Variants in ZNF81 observed in about 807,000 individuals in gnomAD.
ZNF81 encodes the protein zinc finger protein 81 (HFZ20).
A neutral mutation model predicts 32.3 loss-of-function variants in ZNF81; 5 were observed. The ratio of observed to expected loss-of-function variants is 0.15; its 90% CI spans 0.08 to 0.33. The LOEUF (loss-of-function observed/expected upper bound fraction) is 0.33, where lower values mean the gene tolerates loss of function less well. ZNF81 is among the 10% of genes least tolerant of loss of function. ZNF81 has a pLI of 1.00. For synonymous variants in ZNF81, 163 were observed against 166.8 expected (o/e 0.98, Z 0.17); for missense variants, 379 against 479.8 (o/e 0.79, Z 1.96).
intron 2 of ZNF81, among the ~76,000 whole-genome samples, chrX:47,884,535 C>A (rs782007916): frequency 9.0e-6 from 1 of 111,010 alleles, no homozygotes; most frequent in East Asian, 2.8e-4. Context: ...CAGTTTCTTG[C>A]AGGCTGTTGT....
chrX:47,863,883 G>A (rs1384927211), intron 2 of ZNF81, among the ~76,000 whole-genome samples: 1 of 111,656 alleles, frequency 9.0e-6, no homozygotes, highest in African/African-American at 3.3e-5. Flanking sequence ...TCCTTGAGTG[G>A]GTAAAATGAT....
chrX:47,922,566 G>A lies in ZNF81; in HGVS notation c.*5934G>A, dbSNP rs1453689067. Among the ~76,000 whole-genome samples, 2 of 111,551 alleles carry A rather than the reference G, an allele frequency of 1.8e-5. No individual in the cohort carries two copies. Among genetic ancestry groups the A allele is most frequent in the South Asian group, 3.7e-4 (1 of 2,684 alleles). Reference sequence around the variant, plus strand: ...ATAGGCTCAGGAACCCATCTGCCAGGGTTTCAATCCTGGCTCTACCAATTT... The same window carrying A: ...ATAGGCTCAGGAACCCATCTGCCAGAGTTTCAATCCTGGCTCTACCAATTT... On this transcript the variant is annotated 3_prime_UTR_variant, in exon 5 of 5. Transcript: ENST00000338637.
At chrX:47,897,601 G>T (rs782132832) in intron 4 of ZNF81, among the ~76,000 whole-genome samples, 18 of 111,969 alleles carry the variant, frequency 1.6e-4, no homozygotes, top group Non-Finnish European at 3.2e-4. Flanking sequence ...TACCTTTTGC[G>T]ATCTGTTTAA....
At chrX:47,900,405 GA>G (rs1365419155) in intron 4 of ZNF81, among the ~76,000 whole-genome samples, 1 of 111,345 alleles carries the variant, frequency 9.0e-6, no homozygotes, top group African/African-American at 3.3e-5. Context: ...AGTATTGGGG[GA>G]AAAATTCATA....
chrX:47,893,593 T>C (rs2058669598), intron 3 of ZNF81, among the ~76,000 whole-genome samples: 2 of 110,210 alleles, frequency 1.8e-5, no homozygotes, highest in African/African-American at 6.6e-5. Flanking sequence ...ACCCAGCCTC[T>C]TACAAAAAGA....
intron 2 of ZNF81, among the ~76,000 whole-genome samples, chrX:47,864,692 G>A (rs1423138295): frequency 8.9e-6 from 1 of 111,762 alleles, no homozygotes; most frequent in African/African-American, 3.3e-5. Context: ...AGTGACTTTA[G>A]TATGAATAGT....
At chrX:47,860,356 T>A (rs1035042048) in intron 2 of ZNF81, among the ~76,000 whole-genome samples, 8 of 108,779 alleles carry the variant, frequency 7.4e-5, no homozygotes, top group Non-Finnish European at 3.8e-5. Flanking sequence ...TTCATATTTT[T>A]TTTTTTAGTA....
chrX:47,899,717 G>T (rs1416400152), intron 4 of ZNF81, among the ~76,000 whole-genome samples: 3 of 111,675 alleles, frequency 2.7e-5, no homozygotes, highest in Non-Finnish European at 5.7e-5. Flanking sequence ...TTTGGACCTA[G>T]AATTTTCTTG....
At chrX:47,879,195 T>G (rs1556884858) in intron 2 of ZNF81, among the ~76,000 whole-genome samples, 1 of 111,786 alleles carries the variant, frequency 8.9e-6, no homozygotes, top group Non-Finnish European at 1.9e-5. Flanking sequence ...TATAATATAT[T>G]CACAGGTTCC....
chrX:47,843,895 A>C (rs184765499), intron 1 of ZNF81, among the ~76,000 whole-genome samples: 1 of 111,483 alleles, frequency 9.0e-6, no homozygotes, highest in East Asian at 2.8e-4. Flanking sequence ...AGGTTTTATT[A>C]ATTACTTCCT....
intron 1 of ZNF81, 129 bp from the exon 2 acceptor site, chrX:47,845,976 G>A: frequency 2.7e-6 from 1 of 369,558 alleles, no homozygotes; most frequent in Non-Finnish European, 4.8e-6. Flanking sequence ...TTGATAAGCA[G>A]AATATGTGTT....
At chrX:47,898,889 A>T (rs2058689086) in intron 4 of ZNF81, among the ~76,000 whole-genome samples, 1 of 111,438 alleles carries the variant, frequency 9.0e-6, no homozygotes, top group African/African-American at 3.3e-5. Context: ...AAAGTTTTTT[A>T]AATTTTATTT....
chrX:47,853,226 G>T (rs2058502712), intron 2 of ZNF81, among the ~76,000 whole-genome samples: 1 of 108,466 alleles, frequency 9.2e-6, no homozygotes, highest in African/African-American at 3.4e-5. Context: ...TACCAGGCTG[G>T]AGTGCAGTGG....
In ZNF81 at chrX:47,916,213, G is replaced by A. The variant is rs1556890812; in HGVS notation, c.1567G>A (p.Glu523Lys). ...TACTCACCAGAAGTCTCATACTGGAGAAAAGTCTTATATATGTGCTGAATG... is the reference window on the plus strand; with the variant it reads ...TACTCACCAGAAGTCTCATACTGGAAAAAAGTCTTATATATGTGCTGAATG... ...LNTHQKSHTG[E>K]KSYICAECGK... Residue 523 changes from glutamate (E) to lysine (K), a missense_variant, in exon 5 of 5, where the codon GAA (glutamate) becomes AAA (lysine). Coordinates refer to ENST00000338637, the MANE Select transcript of ZNF81 (RefSeq NM_007137.5). The A allele has an allele frequency of 5.0e-6, 6 of 1,211,688 alleles. No homozygotes were observed. Among genetic ancestry groups the A allele is most frequent in the Non-Finnish European group, 5.6e-6 (5 of 895,485 alleles).
chrX:47,922,803 A>G lies in ZNF81; in HGVS notation c.*6171A>G, dbSNP rs1293948347. On this transcript the variant is annotated 3_prime_UTR_variant, in exon 5 of 5. Coordinates refer to ENST00000338637, the MANE Select transcript of ZNF81 (RefSeq NM_007137.5). The stretch of plus-strand genomic sequence containing the variant: ...GGCTGGAGATCCGAATCACGGTGTC[A>G]GCAGGGTCATGCTCCCTCTGAAGGT... Among the ~76,000 whole-genome samples, 2 of 111,906 alleles carry G rather than the reference A, an allele frequency of 1.8e-5. No individual in the cohort carries two copies. The highest frequency in any genetic ancestry group is 3.2e-5 in the African/African-American group (1 of 30,779).
chrX:47,905,019 C>T (rs1307558189), intron 4 of ZNF81, among the ~76,000 whole-genome samples: 14 of 108,321 alleles, frequency 1.3e-4, no homozygotes, highest in Admixed American at 5.9e-4. Flanking sequence ...ACAATGAGAA[C>T]ACATGGACAC....
At chrX:47,880,522 A>C (rs573621666) in intron 2 of ZNF81, among the ~76,000 whole-genome samples, 1 of 112,452 alleles carries the variant, frequency 8.9e-6, no homozygotes, top group Admixed American at 9.4e-5. Context: ...CCTCGTGATC[A>C]TTGCTTTTAT....
intron 2 of ZNF81, among the ~76,000 whole-genome samples, chrX:47,847,426 G>A (rs2058475345): frequency 8.9e-6 from 1 of 112,025 alleles, no homozygotes; most frequent in South Asian, 3.7e-4. Context: ...CTGGGGCATA[G>A]GGGAAAACCA....
Position 47,846,289 on chromosome X carries a change from C to T in ZNF81, c.22C>T (p.Pro8Ser). The part of the protein sequence containing the change: MPANEDA[P>S]QPGEHGSACE... ...GAACATGCCAGCTAACGAGGACGCT[C>T]CCCAGCCAGGGGAACATGGCAGTGC... The change falls in exon 2 of 5, where the codon CCC becomes TCC. Residue 8 changes from proline to serine, a missense_variant. Transcript: ENST00000338637. The T allele has an allele frequency of 8.3e-7, 1 of 1,209,447 alleles. No homozygotes were observed. The highest frequency in any genetic ancestry group is 1.1e-6 in the Non-Finnish European group (1 of 894,947).
Sources: gnomAD v4.1 joint callset for allele counts (sites outside exome capture counted in the v4.1 genomes callset) on GRCh38, gnomAD v4.1.1 for gene constraint, MANE v1.5 for transcripts, NCBI Gene and HGNC (gene_info 2026-07-23, HGNC 2026-07-21) for gene names.